Variants in ZNF142 observed in about 807,000 individuals in gnomAD.
ZNF142 encodes the protein zinc finger protein 142, also known as zinc finger protein 142 (clone pHZ-49).
In ZNF142, 96 loss-of-function variants were observed where a neutral mutation model predicts 132.1. The observed-to-expected ratio is 0.73, with a 90% CI of 0.62 to 0.86. The LOEUF (loss-of-function observed/expected upper bound fraction) is 0.86. ZNF142 is among the 40% of genes least tolerant of loss of function. ZNF142 has a pLI of 0.00. For synonymous variants in ZNF142, 842 were observed against 890.1 expected (o/e 0.95, Z 0.96); for missense variants, 2,163 against 2,336.2 (o/e 0.93, Z 1.53).
In ZNF142 at chr2:218,637,052, T is replaced by A. The variant is rs557218968; in HGVS notation, c.*1287A>T. ...GGCTCAAGGCTTCCCCAGCAAAGAT[T>A]AGGGAAAGAGACTTGACCCCAGGAC... On this transcript the variant is annotated 3_prime_UTR_variant, in exon 11 of 11. Transcript: ENST00000411696. 13 of 394,298 alleles carry A rather than the reference T, an allele frequency of 3.3e-5. No homozygotes were observed. The Admixed American group carries it at 3.7e-4, about 11-fold the overall frequency. The allele number at this position is 394,298 out of a possible 1,614,324, so 24.4% of individuals were successfully genotyped here.
rs373385375 is a variant in ZNF142 at position 218,649,116 on chromosome 2, G to A, written c.1392C>T (p.Leu464=). ...ACPVCREEFR[L]SQALKEHLKS... is the part of the protein sequence containing the mutation. ...TGAGGTGCTCCTTTAGGGCCTGGCTGAGGCGGAATTCCTCACGGCAGACAG... is the reference window on the plus strand; with the variant it reads ...TGAGGTGCTCCTTTAGGGCCTGGCTAAGGCGGAATTCCTCACGGCAGACAG... Residue 464 remains leucine (L), a synonymous_variant, in exon 7 of 11, where the codon CTC becomes CTT. Transcript: ENST00000411696. 6.2e-7 allele frequency: 1 copy of A among 1,614,010 alleles called. No homozygotes were observed. Among genetic ancestry groups the A allele is most frequent in the Non-Finnish European group, 8.5e-7 (1 of 1,180,060 alleles).
intron 4 of ZNF142, among the ~76,000 whole-genome samples, chr2:218,653,140 C>G (rs1372381006): frequency 6.6e-6 from 1 of 151,952 alleles, no homozygotes; most frequent in Non-Finnish European, 1.5e-5. Context: ...ATTAGCCAGG[C>G]GTGGTGGCAC....
chr2:218,652,848 A>G (rs1357813117), intron 4 of ZNF142, among the ~76,000 whole-genome samples: 1 of 152,188 alleles, frequency 6.6e-6, no homozygotes, highest in Non-Finnish European at 1.5e-5. Context: ...CAACAGCCCT[A>G]TGACAACAAG....
chr2:218,647,434 A>AAAAAAAAAAAAAAAAAAAAC (rs1559297369), intron 7 of ZNF142, among the ~76,000 whole-genome samples: 8 of 147,258 alleles, frequency 5.4e-5, no homozygotes, highest in East Asian at 4.0e-4. Context: ...AAAAAAAAAA[A>AAAAAAAAAAAAAAAAAAAAC]AGCCTCCTCC....
chr2:218,644,174 C>A lies in ZNF142; in HGVS notation c.2942G>T (p.Gly981Val). 6.2e-7 allele frequency: 1 copy of A among 1,614,106 alleles called. No individual in the cohort carries two copies. The highest frequency in any genetic ancestry group is 8.5e-7 in the Non-Finnish European group (1 of 1,180,000). Reference protein sequence around the residue: ...SLEEAPNNWVGTFKTTPPAET... With the variant: ...SLEEAPNNWVVTFKTTPPAET... ...AGCAGGTGGAGTTGTCTTGAAGGTT[C>A]CTACCCAGTTGTTAGGAGCCTCCTC... is the stretch of plus-strand genomic sequence containing the variant. The change falls in exon 9 of 11, where the codon GGA (glycine) becomes GTA (valine). Residue 981 changes from glycine (G) to valine (V), a missense_variant. This residue lies in a region of ZNF142 where 809 missense variants were observed against 801.7 expected (regional missense o/e 1.01). Transcript: ENST00000411696. This position sits in a 1 kb window ranked among gnomAD's most constrained non-coding sequence, Gnocchi z 4.6.
Position 218,640,686 on chromosome 2 carries a change from T to C in ZNF142, c.5172A>G (p.Lys1724=). The C allele has an allele frequency of 6.2e-7, 1 of 1,614,216 alleles. No homozygotes were observed. Among genetic ancestry groups the C allele is most frequent in the Non-Finnish European group, 8.5e-7 (1 of 1,180,028 alleles). Reference sequence around the variant, plus strand: ...CACCTGTATGCTTGGTCATGTGGTATTTCAGCTGGTTGACCCACTTGCACT... The same window carrying C: ...CACCTGTATGCTTGGTCATGTGGTACTTCAGCTGGTTGACCCACTTGCACT... The part of the protein sequence containing the change: ...GYKCKWVNQL[K]YHMTKHTGLK... The change falls in exon 10 of 11, where the codon AAA becomes AAG. Residue 1724 remains lysine (K), a synonymous_variant. Coordinates refer to ENST00000411696, the MANE Select transcript of ZNF142 (RefSeq NM_001379659.1).
rs1179732694 is a variant in ZNF142, at chr2:218,643,758, C to CAG, written c.3357_3358insCT (p.Asp1120LeufsTer98). 3 of 1,610,918 alleles carry CAG rather than the reference C, an allele frequency of 1.9e-6. No homozygotes were observed. The highest frequency in any genetic ancestry group is 2.5e-6 in the Non-Finnish European group (3 of 1,178,608). ...GGTGGGGGCTTCCCACTTTCTGTGT[C>CAG]CTCTGAGGCCTGGGTACCTGGGAGC... On this transcript the variant is annotated frameshift_variant, in exon 9 of 11. Coordinates refer to ENST00000411696, the MANE Select transcript of ZNF142 (RefSeq NM_001379659.1). LOFTEE classifies it high-confidence loss of function.
chr2:218,647,922 G>C, intron 7 of ZNF142, among the ~76,000 whole-genome samples: 1 of 152,202 alleles, frequency 6.6e-6, no homozygotes, highest in East Asian at 1.9e-4. Flanking sequence ...TCAGAAACAT[G>C]AGATTTTGTG....
In ZNF142 at chr2:218,642,800, G is replaced by T; in HGVS notation, c.4316C>A (p.Thr1439Asn). The T allele has an allele frequency of 2.5e-6, 4 of 1,614,218 alleles. No individual in the cohort carries two copies. The highest frequency in any genetic ancestry group is 2.5e-6 in the Non-Finnish European group (3 of 1,180,046). Residue 1439 changes from threonine (T) to asparagine (N), a missense_variant, in exon 9 of 11, where the codon ACC (threonine) becomes AAC (asparagine). Thr to Asn is a moderately conservative substitution (Grantham distance 65). Coordinates refer to ENST00000411696, the MANE Select transcript of ZNF142 (RefSeq NM_001379659.1). This position sits in a 1 kb window ranked among gnomAD's most constrained non-coding sequence, Gnocchi z 4.6. ...CCGGTGCAAGCGCAGTTTCGAGTTG[G>T]TACCAAACGTCTGGGGGCAAGAGCT... ...PCSSCPQTFG[T>N]NSKLRLHRLR...
Position 218,659,429 on chromosome 2 carries a change from C to A in ZNF142, c.-422G>T, listed in dbSNP as rs1412539080. 4 of 152,302 alleles carry A rather than the reference C, an allele frequency of 2.6e-5. No individual in the cohort carries two copies. The highest frequency in any genetic ancestry group is 2.6e-4 in the Admixed American group (4 of 15,288). 9.4% of individuals were successfully genotyped at this position (152,302 alleles called of 1,614,324 possible). On this transcript the variant is annotated 5_prime_UTR_variant, in exon 1 of 11. Transcript: ENST00000411696. The surrounding 1 kb of genome is among the most constrained non-coding windows in gnomAD (Gnocchi z 4.4). The stretch of plus-strand genomic sequence containing the variant: ...TGGTCGGCCGCGGCTGGAACGGCCC[C>A]CGGGGCCCGCTTTGTGCGACCGCCT...
chr2:218,646,799 C>T (rs1697766234), intron 7 of ZNF142, among the ~76,000 whole-genome samples: 1 of 152,100 alleles, frequency 6.6e-6, no homozygotes. Flanking sequence ...GTTAGCCAGG[C>T]TGTTCTCGAA....
In ZNF142 at chr2:218,640,085, A is replaced by AG. The variant is rs1478926738; in HGVS notation, c.5194+578_5194+579insC. On this transcript the variant is annotated intron_variant, in intron 10 of 10. Transcript: ENST00000411696. The stretch of plus-strand genomic sequence containing the variant: ...TCAAAAAAAAAAAAAAAAAAAAAAA[A>AG]AAAAGAAATACTTAGGAGGGAAGAG... Among the ~76,000 whole-genome samples the AG allele has an allele frequency of 3.3e-5, 5 of 150,274 alleles. No homozygotes were observed. The East Asian group carries it at 7.8e-4, about 23-fold the overall frequency.
chr2:218,638,282 C>A lies in ZNF142; in HGVS notation c.*57G>T. ...CTGAGCTCCTCAGGCTAGCGCTGGT[C>A]CCAGTCTGCACATCTCAGACCATAC... On this transcript the variant is annotated 3_prime_UTR_variant, in exon 11 of 11. Coordinates refer to ENST00000411696, the MANE Select transcript of ZNF142 (RefSeq NM_001379659.1). 1 of 1,434,894 alleles carries A rather than the reference C, an allele frequency of 7.0e-7. No homozygotes were observed. The highest frequency in any genetic ancestry group is 1.5e-5 in the South Asian group (1 of 64,542). The allele number at this position is 1,434,894 out of a possible 1,614,324, so 88.9% of individuals were successfully genotyped here. A position where few individuals can be genotyped will look rare whatever the true frequency, so the allele number is the denominator to read the frequency against.
At chr2:218,657,353 ATCTC>A (rs1559308506) in intron 3 of ZNF142, among the ~76,000 whole-genome samples, 1 of 151,758 alleles carries the variant, frequency 6.6e-6, no homozygotes, top group Admixed American at 6.6e-5. Context: ...CCCCTTCTCA[ATCTC>A]TCTCTCTTAT....
Position 218,634,171 on chromosome 2 carries a change from A to C in ZNF142, c.*4168T>G. ...GTGTATCCCAGCGGCCTGAGGACAGACTCTTCCAACTACAACCCCCAGGAA... is the reference window on the plus strand; with the variant it reads ...GTGTATCCCAGCGGCCTGAGGACAGCCTCTTCCAACTACAACCCCCAGGAA... On this transcript the variant is annotated 3_prime_UTR_variant, in exon 11 of 11. Coordinates refer to ENST00000411696, the MANE Select transcript of ZNF142 (RefSeq NM_001379659.1). The surrounding 1 kb of genome is among the most constrained non-coding windows in gnomAD (Gnocchi z 4.0). The C allele has an allele frequency of 6.2e-7, 1 of 1,612,408 alleles. No homozygotes were observed.
At position 218,651,961 on chromosome 2, in the gene ZNF142, C is replaced by A; in HGVS notation, c.620G>T (p.Arg207Leu). ...ESGCVFSAED[R>L]KGLQHHLRQT... ...CCTCAGGTGGTGCTGCAGACCCTTG[C>A]GATCTTCAGCAGAGAACACACAGCC... The change falls in exon 5 of 11, where the codon CGC becomes CTC. Residue 207 changes from arginine to leucine, a missense_variant. This residue lies in a region of ZNF142 where 195 missense variants were observed against 172.4 expected (regional missense o/e 1.13). Transcript: ENST00000411696. 3 of 967,386 alleles carry A rather than the reference C, an allele frequency of 3.1e-6. No homozygotes were observed. The South Asian group carries it at 4.0e-5, about 13-fold the overall frequency. 59.9% of individuals were successfully genotyped at this position (967,386 alleles called of 1,614,324 possible).
chr2:218,638,925 T>A, intron 10 of ZNF142, 117 bp from the exon 11 acceptor site: 1 of 792,194 alleles, frequency 1.3e-6, no homozygotes, highest in Non-Finnish European at 2.0e-6. Context: ...CTAATGACCA[T>A]CTCTTTGGAA....
In ZNF142 at chr2:218,650,540, A is replaced by C. The variant is rs1476299994; in HGVS notation, c.881-14T>G. On this transcript the variant is annotated splice_polypyrimidine_tract_variant and intron_variant, in intron 5 of 10. Transcript: ENST00000411696. The stretch of plus-strand genomic sequence containing the variant: ...GCAGTTTGGGAGCTGGAGATACATA[A>C]AACTTGATAAAGTCTACAGGAGCCA... 1 of 1,550,804 alleles carries C rather than the reference A, an allele frequency of 6.4e-7. No individual in the cohort carries two copies. The highest frequency in any genetic ancestry group is 2.0e-5 in the Admixed American group (1 of 49,362).
At chr2:218,640,061 C>CAAAAAAAAAAA (rs35136548) in intron 10 of ZNF142, among the ~76,000 whole-genome samples, 13 of 44,332 alleles carry the variant, frequency 2.9e-4, no homozygotes, top group African/African-American at 1.0e-3. Flanking sequence ...GACTCTGTCT[C>CAAAAAAAAAAA]AAAAAAAAAA....
Sources: gnomAD v4.1 joint callset for allele counts (sites outside exome capture counted in the v4.1 genomes callset) on GRCh38, gnomAD v4.1.1 for gene constraint, gnomAD v4.1.1 regional missense constraint, Gnocchi (gnomAD v3.1) non-coding constraint, MANE v1.5 for transcripts, NCBI Gene and HGNC (gene_info 2026-07-23, HGNC 2026-07-21) for gene names.